SDK2: variants seen among roughly 807,000 people sequenced by gnomAD.
SDK2 encodes protein sidekick-2.
Under a neutral mutation model 253.9 loss-of-function variants are expected in SDK2, and 105 were observed. That is an observed-to-expected ratio of 0.41 (90% CI 0.35 to 0.49). The LOEUF (loss-of-function observed/expected upper bound fraction) is 0.49, where lower values mean the gene tolerates loss of function less well. Ranked by LOEUF, SDK2 falls within the 20% of genes least tolerant of loss-of-function variation. The pLI, the probability that SDK2 is intolerant of heterozygous loss-of-function variation, is 0.06. For synonymous variants in SDK2, 1,249 were observed against 1,234.9 expected (o/e 1.01, Z -0.24); for missense variants, 2,608 against 3,003.0 (o/e 0.87, Z 3.07).
At chr17:73,416,955 CGCA>C (rs1471526311) in intron 16 of SDK2, among the ~76,000 whole-genome samples, 1 of 151,972 alleles carries the variant, frequency 6.6e-6, no homozygotes. Context: ...TGAAAAAACT[CGCA>C]GATGAATCAC....
At chr17:73,641,168 GGGTACC>G (rs2046393691) in intron 1 of SDK2, 1 of 152,246 alleles carries the variant, frequency 6.6e-6, no homozygotes, top group African/African-American at 2.4e-5. Flanking sequence ...GTGGGTGGCA[GGGTACC>G]ATTCTTCATG....
intron 3 of SDK2, among the ~76,000 whole-genome samples, chr17:73,468,747 A>C (rs1224677777): frequency 6.6e-6 from 1 of 151,278 alleles, no homozygotes; most frequent in African/African-American, 2.4e-5. Flanking sequence ...GGATGGTCTC[A>C]ATCTCCTGAC....
intron 1 of SDK2, among the ~76,000 whole-genome samples, chr17:73,524,509 T>C (rs1364266764): frequency 6.6e-6 from 1 of 152,180 alleles, no homozygotes; most frequent in African/African-American, 2.4e-5. Flanking sequence ...TTCCCCTTTT[T>C]CCTGCCAGGA....
intron 1 of SDK2, among the ~76,000 whole-genome samples, chr17:73,526,236 G>T (rs2064124269): frequency 6.6e-6 from 1 of 152,158 alleles, no homozygotes. Flanking sequence ...GCATGATGGG[G>T]CTGGAGGGTG....
rs1250001663 is a variant in SDK2, at chr17:73,379,121, C to G, written c.4980+56G>C. ...CTCCCACATATCACTCACTCCCCAG[C>G]CTCCGACCTGGCTTCTCATCCGTGC... On this transcript the variant is annotated intron_variant, in intron 36 of 44. Transcript: ENST00000392650. The surrounding 1 kb of genome is among the most constrained non-coding windows in gnomAD (Gnocchi z 4.5). The G allele has an allele frequency of 2.2e-6, 3 of 1,341,792 alleles. No individual in the cohort carries two copies. Among genetic ancestry groups the G allele is most frequent in the Non-Finnish European group, 2.1e-6 (2 of 960,792 alleles). 83.1% of individuals were successfully genotyped at this position (1,341,792 alleles called of 1,614,324 possible).
rs568696951 is a variant in SDK2, at chr17:73,523,037, C to G, written c.65-15440G>C. On this transcript the variant is annotated intron_variant, in intron 1 of 44. Transcript: ENST00000392650. Reference sequence around the variant, plus strand: ...GGAAGCATCTGTGGAACTCATCTAGCCCAACCTCTCTTGCTGGCAGATGGG... The same window carrying G: ...GGAAGCATCTGTGGAACTCATCTAGGCCAACCTCTCTTGCTGGCAGATGGG... 4.6e-5 allele frequency among the ~76,000 whole-genome samples: 7 copies of G among 152,324 alleles called. No homozygotes were observed. In the East Asian group the frequency reaches 1.4e-3, roughly 29 times the overall value.
chr17:73,571,592 C>T (rs867480015), intron 1 of SDK2, among the ~76,000 whole-genome samples: 9 of 152,336 alleles, frequency 5.9e-5, no homozygotes, highest in African/African-American at 1.9e-4. Context: ...CATTACAGCT[C>T]ACTTAGCTGT....
At chr17:73,584,687 C>CA (rs60556520) in intron 1 of SDK2, among the ~76,000 whole-genome samples, 28,360 of 152,150 alleles carry the variant, frequency 0.19, 2,723 homozygotes, top group East Asian at 0.32. Flanking sequence ...TGAGCTTGGG[C>CA]AGAGGGTGAT....
chr17:73,449,368 T>C (rs1353124405), intron 4 of SDK2, among the ~76,000 whole-genome samples: 1 of 152,200 alleles, frequency 6.6e-6, no homozygotes, highest in African/African-American at 2.4e-5. Flanking sequence ...CTTTTCAAAT[T>C]TTCCCATTAG....
At chr17:73,381,039 A>C in intron 33 of SDK2, 89 bp from the exon 34 acceptor site, 1 of 797,592 alleles carries the variant, frequency 1.3e-6, no homozygotes, top group Non-Finnish European at 2.1e-6. Flanking sequence ...CCACAAAGAA[A>C]CCCCGGCCAG....
Position 73,396,729 on chromosome 17 carries a change from G to T in SDK2, c.3354+1306C>A, listed in dbSNP as rs146771993. On this transcript the variant is annotated intron_variant, in intron 24 of 44. Coordinates refer to ENST00000392650, the MANE Select transcript of SDK2 (RefSeq NM_001144952.2). ...CTTTCTATTCCCCCATGCAGTCCCT[G>T]CCCTCCGCATCAGGCTCTAACCTTT... 1.4e-3 allele frequency among the ~76,000 whole-genome samples: 212 copies of T among 152,314 alleles called. 1 individual carries two copies. In the South Asian group the frequency reaches 0.016, roughly 11 times the overall value.
chr17:73,435,378 G>T lies in SDK2; in HGVS notation c.1195+72C>A. 1 of 1,427,166 alleles carries T rather than the reference G, an allele frequency of 7.0e-7. No homozygotes were observed. 88.4% of individuals were successfully genotyped at this position (1,427,166 alleles called of 1,614,324 possible). On this transcript the variant is annotated intron_variant, in intron 9 of 44. Transcript: ENST00000392650. The surrounding 1 kb of genome is among the most constrained non-coding windows in gnomAD (Gnocchi z 5.7). Reference sequence around the variant, plus strand: ...ACGTGCTATGCACAAGAGGCCCCTCGGAAGACCTTGGAAGAAAGCTGCGTC... The same window carrying T: ...ACGTGCTATGCACAAGAGGCCCCTCTGAAGACCTTGGAAGAAAGCTGCGTC...
chr17:73,531,822 G>T (rs1302788019), intron 1 of SDK2, among the ~76,000 whole-genome samples: 1 of 152,002 alleles, frequency 6.6e-6, no homozygotes, highest in African/African-American at 2.4e-5. Context: ...AACAACTTGT[G>T]GTTTCCTCAC....
intron 1 of SDK2, among the ~76,000 whole-genome samples, chr17:73,512,689 A>G (rs2063990781): frequency 6.6e-6 from 1 of 152,202 alleles, no homozygotes. Flanking sequence ...AACAGAGGAA[A>G]CTAGCATAGA....
intron 8 of SDK2, among the ~76,000 whole-genome samples, chr17:73,437,128 A>C (rs1292651716): frequency 1.3e-5 from 2 of 152,106 alleles, no homozygotes; most frequent in Admixed American, 1.3e-4. Flanking sequence ...CACAGTCCTC[A>C]TTCCTGCAGA....
intron 1 of SDK2, among the ~76,000 whole-genome samples, chr17:73,552,960 C>A (rs2045085283): frequency 1.3e-5 from 2 of 152,206 alleles, no homozygotes; most frequent in Non-Finnish European, 2.9e-5. Flanking sequence ...AGGCTCAGAC[C>A]CGTTTGGGTT....
At chr17:73,587,930 T>C (rs2045624139) in intron 1 of SDK2, among the ~76,000 whole-genome samples, 1 of 152,202 alleles carries the variant, frequency 6.6e-6, no homozygotes, top group Non-Finnish European at 1.5e-5. Context: ...CCCTGTCCTG[T>C]TATCTGCTCT....
intron 12 of SDK2, among the ~76,000 whole-genome samples, chr17:73,427,945 G>A (rs956057011): frequency 2.0e-5 from 3 of 152,120 alleles, no homozygotes; most frequent in Non-Finnish European, 4.4e-5. Flanking sequence ...ATTTGTAAAC[G>A]ATATCTTTGA....
chr17:73,412,404 C>T (rs1251911967), intron 18 of SDK2, among the ~76,000 whole-genome samples: 1 of 151,614 alleles, frequency 6.6e-6, no homozygotes, highest in Admixed American at 6.6e-5. Flanking sequence ...TCCCAAAGTA[C>T]AAGGATTACA....
Sources: allele counts gnomAD v4.1 joint callset (sites outside exome capture counted in the v4.1 genomes callset), GRCh38; gene constraint gnomAD v4.1.1; non-coding constraint Gnocchi (gnomAD v3.1); transcripts MANE v1.5; gene names NCBI Gene and HGNC (gene_info 2026-07-23, HGNC 2026-07-21).